PCCA: variants seen among roughly 807,000 people sequenced by gnomAD.
PCCA encodes the protein propionyl-CoA carboxylase subunit alpha.
Under a neutral mutation model 101.3 loss-of-function variants are expected in PCCA, and 74 were observed. The ratio of observed to expected loss-of-function variants is 0.73; its 90% confidence interval spans 0.61 to 0.89. PCCA has a LOEUF of 0.89. Among genes scored for constraint, PCCA ranks in the 40% least tolerant of loss-of-function variants. PCCA has a pLI of 0.00. For synonymous variants in PCCA, 294 were observed against 313.6 expected (o/e 0.94, Z 0.66); for missense variants, 891 against 907.0 (o/e 0.98, Z 0.23).
intron 21 of PCCA, chr13:100,490,847 G>C (rs1252649090): frequency 6.6e-6 from 1 of 152,370 alleles, no homozygotes; most frequent in South Asian, 2.1e-4. Context: ...CGGTGAAGAA[G>C]TGAGGCACTG....
chr13:100,268,654 G>C (rs1247188039), intron 10 of PCCA, 35 bp from the exon 11 acceptor site: 3 of 1,451,124 alleles, frequency 2.1e-6, no homozygotes, highest in Middle Eastern at 1.7e-4. Context: ...TGTGGGTGTG[G>C]TTATATGGTT....
chr13:100,278,529 T>C (rs1566850446), intron 12 of PCCA, among the ~76,000 whole-genome samples: 2 of 151,692 alleles, frequency 1.3e-5, no homozygotes, highest in Non-Finnish European at 2.9e-5. Context: ...GTCACCAGGC[T>C]GGGGTGCAGT....
intron 16 of PCCA, among the ~76,000 whole-genome samples, chr13:100,312,594 A>T (rs1469118249): frequency 6.6e-6 from 1 of 152,228 alleles, no homozygotes; most frequent in Non-Finnish European, 1.5e-5. Flanking sequence ...TCTTTCCTAT[A>T]GAGTTAAAAA....
At chr13:100,440,052 A>G (rs534396992) in intron 20 of PCCA, among the ~76,000 whole-genome samples, 4 of 151,048 alleles carry the variant, frequency 2.6e-5, no homozygotes, top group Admixed American at 1.3e-4. Context: ...CTAATTTTCT[A>G]TGTTAAAGCA....
chr13:100,265,435 T>G (rs974639199), intron 10 of PCCA, among the ~76,000 whole-genome samples: 1 of 152,184 alleles, frequency 6.6e-6, no homozygotes, highest in African/African-American at 2.4e-5. Context: ...TTATAATAAA[T>G]CTAGAAACCT....
intron 17 of PCCA, among the ~76,000 whole-genome samples, chr13:100,337,931 T>C (rs2070747445): frequency 6.6e-6 from 1 of 152,226 alleles, no homozygotes; most frequent in Admixed American, 6.5e-5. Context: ...AATACTGTGT[T>C]TAAAGTGCTA....
At chr13:100,402,965 G>A (rs1023301576) in intron 19 of PCCA, among the ~76,000 whole-genome samples, 3 of 151,916 alleles carry the variant, frequency 2.0e-5, no homozygotes, top group Admixed American at 6.6e-5. Context: ...GTGACCATTA[G>A]TACAGAAGAC....
intron 18 of PCCA, among the ~76,000 whole-genome samples, chr13:100,361,306 T>C (rs966279416): frequency 5.9e-5 from 9 of 152,192 alleles, no homozygotes; most frequent in Admixed American, 1.3e-4. Context: ...AACATTGATA[T>C]TGGCTTATCA....
At chr13:100,151,490 G>T (rs2053314018) in intron 4 of PCCA, among the ~76,000 whole-genome samples, 1 of 152,042 alleles carries the variant, frequency 6.6e-6, no homozygotes, top group South Asian at 2.1e-4. Context: ...ACTTGGGAAG[G>T]CTGAGGCAGG....
At chr13:100,097,236 C>T (rs1445884352) in intron 1 of PCCA, among the ~76,000 whole-genome samples, 1 of 152,038 alleles carries the variant, frequency 6.6e-6, no homozygotes, top group Non-Finnish European at 1.5e-5. Flanking sequence ...AGTGGTTGCC[C>T]AGGGCCTGGA....
intron 10 of PCCA, among the ~76,000 whole-genome samples, chr13:100,265,345 C>G (rs1242326960): frequency 6.6e-6 from 1 of 152,090 alleles, no homozygotes; most frequent in Non-Finnish European, 1.5e-5. Flanking sequence ...CTGATATCCA[C>G]TTTTTCCAGC....
intron 20 of PCCA, among the ~76,000 whole-genome samples, chr13:100,445,768 T>C (rs1212694448): frequency 9.3e-6 from 1 of 107,426 alleles, no homozygotes; most frequent in African/African-American, 5.7e-5. Flanking sequence ...GTCTAAATAA[T>C]ATTCCATTTT....
intron 4 of PCCA, among the ~76,000 whole-genome samples, chr13:100,127,117 A>G (rs543653233): frequency 1.4e-4 from 22 of 152,382 alleles, no homozygotes; most frequent in Admixed American, 1.1e-3. Flanking sequence ...AAGATGGACT[A>G]TGACTTTATT....
intron 12 of PCCA, among the ~76,000 whole-genome samples, chr13:100,277,516 A>G (rs779543641): frequency 2.0e-5 from 3 of 152,076 alleles, no homozygotes; most frequent in Non-Finnish European, 4.4e-5. Context: ...AATAAGCCCA[A>G]GTTCCAAGCT....
At chr13:100,280,113 C>T (rs2063975750) in intron 12 of PCCA, among the ~76,000 whole-genome samples, 1 of 151,290 alleles carries the variant, frequency 6.6e-6, no homozygotes, top group Admixed American at 6.6e-5. Context: ...AGAGATGCAA[C>T]ACTAAGAAAG....
intron 6 of PCCA, among the ~76,000 whole-genome samples, chr13:100,165,870 C>G (rs1046587349): frequency 6.6e-6 from 1 of 152,108 alleles, no homozygotes; most frequent in East Asian, 1.9e-4. Context: ...GGTGACAGAG[C>G]AAGACCCTGT....
intron 21 of PCCA, among the ~76,000 whole-genome samples, chr13:100,486,522 A>G (rs9518080): frequency 0.057 from 8,729 of 152,322 alleles, 349 homozygotes; most frequent in Middle Eastern, 0.12. Context: ...TGATCAGGTA[A>G]ATGTTTACAA....
intron 19 of PCCA, among the ~76,000 whole-genome samples, chr13:100,397,666 C>T (rs1050005836): frequency 5.3e-5 from 8 of 151,980 alleles, no homozygotes; most frequent in African/African-American, 1.9e-4. Flanking sequence ...AAATGTTAAA[C>T]CTATGGCTTT....
intron 21 of PCCA, among the ~76,000 whole-genome samples, chr13:100,453,477 TAA>T (rs374141591): frequency 0.25 from 33,933 of 133,716 alleles, 4,800 homozygotes; most frequent in East Asian, 0.57. Context: ...CACTCTAGTT[TAA>T]AAAAAAAAAA....
Sources: gnomAD v4.1 joint callset for allele counts (sites outside exome capture counted in the v4.1 genomes callset) on GRCh38, gnomAD v4.1.1 for gene constraint, MANE v1.5 for transcripts, NCBI Gene and HGNC (gene_info 2026-07-23, HGNC 2026-07-21) for gene names.